SFMBT2: variants seen among roughly 807,000 people sequenced by gnomAD.
SFMBT2 encodes scm-like with four MBT domains protein 2.
In SFMBT2, 38 loss-of-function variants were observed where a neutral mutation model predicts 110.1. The ratio of observed to expected loss-of-function variants is 0.35; its 90% CI spans 0.27 to 0.45. SFMBT2 has a LOEUF of 0.45. SFMBT2 is among the 20% of genes least tolerant of loss of function. The pLI is 1.00. For synonymous variants in SFMBT2, 425 were observed against 425.4 expected, an observed-to-expected ratio of 1.00 and a Z score of 0.01; for missense variants, 1,011 against 1,094.9, an observed-to-expected ratio of 0.92 and a Z score of 1.08.
At chr10:7,182,168 G>T (rs1838263058) in intron 16 of SFMBT2, among the ~76,000 whole-genome samples, 1 of 152,130 alleles carries the variant, frequency 6.6e-6, no homozygotes, top group African/African-American at 2.4e-5. Flanking sequence ...CTCCAGAGTA[G>T]CTGGGACTAC....
At chr10:7,185,362 CAGTT>C (rs1238850816) in intron 16 of SFMBT2, among the ~76,000 whole-genome samples, 1 of 152,210 alleles carries the variant, frequency 6.6e-6, no homozygotes, top group African/African-American at 2.4e-5. Flanking sequence ...TGAAGTCTCT[CAGTT>C]AGGGAATCCT....
intron 4 of SFMBT2, among the ~76,000 whole-genome samples, chr10:7,358,521 G>C (rs570387342): frequency 2.3e-4 from 34 of 150,220 alleles, no homozygotes; most frequent in Non-Finnish European, 4.4e-4. Flanking sequence ...CCCTGGAACA[G>C]AGGCATGGCC....
chr10:7,352,140 A>C (rs908984991), intron 4 of SFMBT2, among the ~76,000 whole-genome samples: 3 of 152,042 alleles, frequency 2.0e-5, no homozygotes, highest in Admixed American at 6.6e-5. Flanking sequence ...CGGAGGAGCC[A>C]CTTACTAGAC....
chr10:7,266,819 G>A (rs1455204518), intron 7 of SFMBT2, among the ~76,000 whole-genome samples: 2 of 152,186 alleles, frequency 1.3e-5, no homozygotes, highest in Non-Finnish European at 2.9e-5. Flanking sequence ...AGAGTTTGAA[G>A]GGAGAGCCAA....
chr10:7,220,188 T>G (rs963855473), intron 11 of SFMBT2, among the ~76,000 whole-genome samples: 3 of 152,232 alleles, frequency 2.0e-5, no homozygotes, highest in Admixed American at 2.0e-4. Context: ...CATAATTATC[T>G]TGCCAGCATC....
chr10:7,230,731 G>C (rs909530032), intron 9 of SFMBT2, among the ~76,000 whole-genome samples: 12 of 152,148 alleles, frequency 7.9e-5, no homozygotes, highest in Admixed American at 7.9e-4. Context: ...TCAGGAGTTT[G>C]AGAACAGCCT....
intron 9 of SFMBT2, among the ~76,000 whole-genome samples, chr10:7,240,343 G>A (rs79846354): frequency 0.016 from 2,464 of 152,152 alleles, 32 homozygotes; most frequent in Admixed American, 0.021. Context: ...TCATAGAGAC[G>A]TCCCTCATTC....
chr10:7,197,972 A>T, intron 14 of SFMBT2: 4 of 984,770 alleles, frequency 4.1e-6, no homozygotes, highest in Non-Finnish European at 4.8e-6. Flanking sequence ...TTTGAGAAAG[A>T]GGCGCTGTGT....
At chr10:7,358,485 G>T (rs957139808) in intron 4 of SFMBT2, among the ~76,000 whole-genome samples, 1 of 143,050 alleles carries the variant, frequency 7.0e-6, no homozygotes, top group Non-Finnish European at 1.5e-5. Flanking sequence ...CTAGAACACC[G>T]GCATGGCCCT....
chr10:7,271,743 G>A (rs947342386), intron 7 of SFMBT2, among the ~76,000 whole-genome samples: 1 of 152,198 alleles, frequency 6.6e-6, no homozygotes, highest in African/African-American at 2.4e-5. Flanking sequence ...AGCTCCACAT[G>A]GCTGGGGAGG....
At chr10:7,306,479 G>A (rs937964473) in intron 4 of SFMBT2, among the ~76,000 whole-genome samples, 1 of 152,142 alleles carries the variant, frequency 6.6e-6, no homozygotes, top group African/African-American at 2.4e-5. Flanking sequence ...CTGAGTAGCG[G>A]CAACAGGAAC....
intron 9 of SFMBT2, among the ~76,000 whole-genome samples, chr10:7,239,558 T>C (rs1840369367): frequency 6.6e-6 from 1 of 152,174 alleles, no homozygotes; most frequent in South Asian, 2.1e-4. Flanking sequence ...TAAATGCTCA[T>C]TCAGTTTAAT....
intron 4 of SFMBT2, among the ~76,000 whole-genome samples, chr10:7,311,360 A>G (rs1469834012): frequency 2.0e-5 from 3 of 152,206 alleles, no homozygotes; most frequent in African/African-American, 7.2e-5. Context: ...GCTATACTCT[A>G]CTTTGCAAAC....
chr10:7,191,483 G>A (rs1838600294), intron 15 of SFMBT2, among the ~76,000 whole-genome samples: 1 of 152,206 alleles, frequency 6.6e-6, no homozygotes, highest in Non-Finnish European at 1.5e-5. Context: ...CCTCTGCTCT[G>A]TTCTTCTCTT....
intron 4 of SFMBT2, among the ~76,000 whole-genome samples, chr10:7,333,343 A>G (rs900379309): frequency 1.3e-5 from 2 of 152,034 alleles, no homozygotes; most frequent in African/African-American, 4.8e-5. Flanking sequence ...CTGGCATATT[A>G]CAGGCACCTA....
intron 15 of SFMBT2, among the ~76,000 whole-genome samples, chr10:7,192,857 A>G (rs1838642232): frequency 6.6e-6 from 1 of 152,110 alleles, no homozygotes; most frequent in South Asian, 2.1e-4. Flanking sequence ...GGGGTGCCGC[A>G]CTACTTCTTT....
intron 1 of SFMBT2, among the ~76,000 whole-genome samples, 143 bp downstream of exon 1, chr10:7,410,718 C>T (rs943077088): frequency 2.6e-5 from 4 of 151,368 alleles, no homozygotes; most frequent in African/African-American, 9.8e-5. Context: ...CCCCAGCTCC[C>T]TCAGGCTTCC....
intron 7 of SFMBT2, among the ~76,000 whole-genome samples, chr10:7,253,510 T>C (rs1327934044): frequency 6.6e-6 from 1 of 152,208 alleles, no homozygotes; most frequent in African/African-American, 2.4e-5. Flanking sequence ...ATGTTAGAAG[T>C]GTTGTGGGTA....
chr10:7,221,879 C>G (rs997955917), intron 10 of SFMBT2, among the ~76,000 whole-genome samples: 4 of 152,130 alleles, frequency 2.6e-5, no homozygotes, highest in Non-Finnish European at 5.9e-5. Flanking sequence ...CACACAGAAC[C>G]ATCCCTTCAC....
Sources: gnomAD v4.1 joint callset for allele counts (sites outside exome capture counted in the v4.1 genomes callset) on GRCh38, gnomAD v4.1.1 for gene constraint, MANE v1.5 for transcripts, NCBI Gene and HGNC (gene_info 2026-07-23, HGNC 2026-07-21) for gene names.